The following ADAP1 variants were observed in gnomAD, a reference collection of about 807,000 sequenced individuals.
ADAP1 encodes the protein ArfGAP with dual PH domains 1, also known as arf-GAP with dual PH domain-containing protein 1.
A neutral mutation model predicts 54.9 loss-of-function variants in ADAP1; 31 were observed. The ratio of observed to expected loss-of-function variants is 0.56; its 90% CI spans 0.42 to 0.76. The LOEUF (loss-of-function observed/expected upper bound fraction) is 0.76, where lower values mean the gene tolerates loss of function less well. Ranked by LOEUF, ADAP1 falls within the 30% of genes least tolerant of loss-of-function variation. The pLI is 0.00. For synonymous variants in ADAP1, 313 were observed against 202.6 expected (o/e 1.55, Z -4.63); for missense variants, 535 against 512.4 (o/e 1.04, Z -0.42).
upstream of ADAP1, chr7:955,369 G>T: frequency 6.5e-7 from 1 of 1,550,266 alleles, no homozygotes; most frequent in Non-Finnish European, 8.7e-7. Context: ...TTCTTGCAGG[G>T]TTAATGCAGT....
At chr7:900,690 C>G in intron 6 of ADAP1, 74 bp from the exon 7 acceptor site, 1 of 1,371,548 alleles carries the variant, frequency 7.3e-7, no homozygotes, top group Non-Finnish European at 1.0e-6. Context: ...GGGCTGGGGT[C>G]CCCACAGAGG....
At chr7:913,024 G>A (rs1429980358) in intron 4 of ADAP1, among the ~76,000 whole-genome samples, 1 of 151,336 alleles carries the variant, frequency 6.6e-6, no homozygotes, top group African/African-American at 2.4e-5. Flanking sequence ...ATTAAACTTT[G>A]TCTTGAGACG....
At position 918,044 on chromosome 7, in the gene ADAP1, C is replaced by T. The variant is rs373281892; in HGVS notation, c.388+1924G>A. Among the ~76,000 whole-genome samples the T allele has an allele frequency of 2.3e-4, 35 of 152,238 alleles. 1 individual carries two copies. The East Asian group carries it at 4.2e-3, about 18-fold the overall frequency. On this transcript the variant is annotated intron_variant, in intron 4 of 10. Coordinates refer to ENST00000265846, the MANE Select transcript of ADAP1 (RefSeq NM_006869.4). ...GATCAGGAGATCTGCCCGCCTTGAC[C>T]TCCATATAAAGTGCTGGGATTACAG...
intron 4 of ADAP1, among the ~76,000 whole-genome samples, chr7:911,892 A>T (rs1845738427): frequency 6.6e-6 from 1 of 152,006 alleles, no homozygotes; most frequent in Non-Finnish European, 1.5e-5. Flanking sequence ...GCCAGGCCCC[A>T]AACACCCGTC....
intron 4 of ADAP1, among the ~76,000 whole-genome samples, chr7:909,213 G>GGACGCCGCATTC (rs1562917951): frequency 9.0e-5 from 6 of 66,648 alleles, no homozygotes; most frequent in African/African-American, 3.3e-4. Context: ...GCAGGCGCCA[G>GGACGCCGCATTC]CGGGAACCCC....
Position 898,957 on chromosome 7 carries a change from G to A in ADAP1, c.1097-8C>T, listed in dbSNP as rs200534724. On this transcript the variant is annotated splice_polypyrimidine_tract_variant and splice_region_variant and intron_variant, in intron 10 of 10. Transcript: ENST00000265846. Reference sequence around the variant, plus strand: ...GCTTGAAGTGCGCCTCCACTGCAACGGAACAGGGTCCAGCGTTGTCACAGC... The same window carrying A: ...GCTTGAAGTGCGCCTCCACTGCAACAGAACAGGGTCCAGCGTTGTCACAGC... 150 of 1,611,296 alleles carry A rather than the reference G, an allele frequency of 9.3e-5. 1 individual carries two copies. The East Asian group carries it at 9.4e-4, about 10-fold the overall frequency.
chr7:913,291 C>T (rs1416846941), intron 4 of ADAP1, among the ~76,000 whole-genome samples: 1 of 151,666 alleles, frequency 6.6e-6, no homozygotes, highest in Non-Finnish European at 1.5e-5. Flanking sequence ...AGCTCCACCT[C>T]CTGGGTTCAC....
rs374818685 is a variant in ADAP1 at position 899,399 on chromosome 7, G to A, written c.867+20C>T. 114 of 1,612,400 alleles carry A rather than the reference G, an allele frequency of 7.1e-5. 2 individuals are homozygous for A. The African/African-American group carries it at 1.2e-3, about 17-fold the overall frequency. On this transcript the variant is annotated intron_variant, in intron 9 of 10. Coordinates refer to ENST00000265846, the MANE Select transcript of ADAP1 (RefSeq NM_006869.4). ...GCCAGTGAGCTGCCCTCCCGTGCTG[G>A]GGCCACAGCTCCTCCTTACCAGGGG...
chr7:906,864 C>T (rs1187202324), intron 4 of ADAP1, among the ~76,000 whole-genome samples: 5 of 120,396 alleles, frequency 4.2e-5, no homozygotes, highest in Admixed American at 2.6e-4. Flanking sequence ...TGACAGTGGA[C>T]CAGCGCTGTT....
intron 1 of ADAP1, among the ~76,000 whole-genome samples, chr7:948,048 C>A (rs1013780808): frequency 8.6e-5 from 13 of 151,980 alleles, no homozygotes; most frequent in Non-Finnish European, 1.5e-4. Flanking sequence ...GAGGACCCAG[C>A]ACTGCCAGGG....
intron 2 of ADAP1, among the ~76,000 whole-genome samples, chr7:932,215 G>A (rs1042124202): frequency 5.3e-5 from 8 of 152,174 alleles, no homozygotes; most frequent in Non-Finnish European, 8.8e-5. Context: ...CCAGACCTCT[G>A]CGGCAGGAAT....
chr7:933,186 G>A (rs1379624161), intron 2 of ADAP1, among the ~76,000 whole-genome samples: 1 of 151,016 alleles, frequency 6.6e-6, no homozygotes, highest in African/African-American at 2.4e-5. Context: ...CAGGAGAATT[G>A]CTTGAGCCCG....
chr7:914,692 G>A (rs1005927884), intron 4 of ADAP1, among the ~76,000 whole-genome samples: 1 of 152,148 alleles, frequency 6.6e-6, no homozygotes, highest in African/African-American at 2.4e-5. Flanking sequence ...CTAGGTCTGT[G>A]GGAGAGGTGC....
At chr7:907,400 G>T (rs560042964) in intron 4 of ADAP1, among the ~76,000 whole-genome samples, 1 of 152,134 alleles carries the variant, frequency 6.6e-6, no homozygotes, top group Admixed American at 6.5e-5. Flanking sequence ...CCAGGGAGAG[G>T]CCAGAGGACC....
chr7:906,645 AAAGGAGAAAGGGGGCGG>A, intron 4 of ADAP1, among the ~76,000 whole-genome samples: 1 of 110,706 alleles, frequency 9.0e-6, no homozygotes, highest in African/African-American at 4.2e-5. Context: ...GGAGAAAGGG[AAAGGAGAAAGGGGGCGG>A]GAAAGGGGAC....
chr7:954,467 T>C lies in ADAP1; in HGVS notation c.11A>G (p.Glu4Gly). The change falls in exon 1 of 11, where the codon GAG becomes GGG. Residue 4 changes from glutamate (E) to glycine (G), a missense_variant. Transcript: ENST00000265846. MAK[E>G]RRRAVLELLQ... Reference sequence around the variant, plus strand: ...CAGCTCCAGGACCGCCCTGCGCCGCTCCTTGGCCATGGCCGCGATGCGCCC... The same window carrying C: ...CAGCTCCAGGACCGCCCTGCGCCGCCCCTTGGCCATGGCCGCGATGCGCCC... 3 of 1,046,308 alleles carry C rather than the reference T, an allele frequency of 2.9e-6. No homozygotes were observed. Among genetic ancestry groups the C allele is most frequent in the Non-Finnish European group, 3.4e-6 (3 of 871,202 alleles). 64.8% of individuals were successfully genotyped at this position (1,046,308 alleles called of 1,614,324 possible).
At chr7:918,785 A>AG (rs950547618) in intron 4 of ADAP1, among the ~76,000 whole-genome samples, 3 of 151,614 alleles carry the variant, frequency 2.0e-5, no homozygotes, top group Non-Finnish European at 4.4e-5. Flanking sequence ...CCTGGGGAAA[A>AG]AACCACTCAA....
In ADAP1 at chr7:945,700, C is replaced by T. The variant is rs1474077220; in HGVS notation, c.82+8696G>A. 72 of 974,896 alleles carry T rather than the reference C, an allele frequency of 7.4e-5. No individual in the cohort carries two copies. Among genetic ancestry groups the T allele is most frequent in the Non-Finnish European group, 8.4e-5 (69 of 820,350 alleles). The allele number at this position is 974,896 out of a possible 1,614,324, so 60.4% of individuals were successfully genotyped here. On this transcript the variant is annotated intron_variant, in intron 1 of 10. Transcript: ENST00000265846. The surrounding 1 kb of genome is among the most constrained non-coding windows in gnomAD (Gnocchi z 4.2). ...CCGTCTCCAGGAGCTGCCTCCTCCT[C>T]GGAGACTGCCCACAGCCGCCAGCCT... is the stretch of plus-strand genomic sequence containing the variant.
chr7:913,729 G>A (rs1845819445), intron 4 of ADAP1, among the ~76,000 whole-genome samples: 1 of 152,056 alleles, frequency 6.6e-6, no homozygotes, highest in African/African-American at 2.4e-5. Context: ...GAGGTCAGGA[G>A]TTCCAGACCA....
Sources: allele counts gnomAD v4.1 joint callset (sites outside exome capture counted in the v4.1 genomes callset), GRCh38; gene constraint gnomAD v4.1.1; non-coding constraint Gnocchi (gnomAD v3.1); transcripts MANE v1.5; gene names NCBI Gene and HGNC (gene_info 2026-07-23, HGNC 2026-07-21).